RPS6KA2: variants seen among roughly 807,000 people sequenced by gnomAD.
RPS6KA2 encodes ribosomal protein S6 kinase A2.
Under a neutral mutation model 91.8 loss-of-function variants are expected in RPS6KA2, and 42 were observed. That is an observed-to-expected ratio of 0.46 (90% CI 0.36 to 0.59). The LOEUF (loss-of-function observed/expected upper bound fraction) is 0.59. RPS6KA2 is among the 20% of genes least tolerant of loss of function. The pLI, the probability that RPS6KA2 is intolerant of heterozygous loss-of-function variation, is 0.00. For synonymous variants in RPS6KA2, 414 were observed against 393.6 expected, an observed-to-expected ratio of 1.05 and a Z score of -0.61; for missense variants, 798 against 978.5, an observed-to-expected ratio of 0.82 and a Z score of 2.46.
chr6:166,510,320 G>T lies in RPS6KA2; in HGVS notation c.336C>A (p.Ile112=), dbSNP rs766475799. 1.2e-6 allele frequency: 2 copies of T among 1,601,966 alleles called. No individual in the cohort carries two copies. Among genetic ancestry groups the T allele is most frequent in the Non-Finnish European group, 1.7e-6 (2 of 1,172,778 alleles). ...DRVRSKMERD[I]LAEVNHPFIV... ...TGAAGGGGTGATTCACTTCTGCCAA[G>T]ATGTCTCTCTCCATCTTCGATCTCA... is the stretch of plus-strand genomic sequence containing the variant. Residue 112 remains isoleucine, a synonymous_variant, in exon 4 of 21, where the codon ATC becomes ATA. Transcript: ENST00000265678.
intron 2 of RPS6KA2, among the ~76,000 whole-genome samples, chr6:166,707,211 G>A (rs1449616695): frequency 6.6e-6 from 1 of 152,242 alleles, no homozygotes; most frequent in African/African-American, 2.4e-5. Context: ...GGGGTTGCCG[G>A]GAAGGGGGCA....
intron 1 of RPS6KA2, among the ~76,000 whole-genome samples, chr6:166,553,391 T>TGG (rs755759312): frequency 7.9e-5 from 12 of 151,414 alleles, no homozygotes; most frequent in South Asian, 2.1e-4. Flanking sequence ...CCCAAAATGC[T>TGG]GGGGTTATAG....
At chr6:166,709,911 A>G (rs1198869281) in intron 2 of RPS6KA2, among the ~76,000 whole-genome samples, 6 of 152,346 alleles carry the variant, frequency 3.9e-5, no homozygotes, top group African/African-American at 1.4e-4. Flanking sequence ...TGGGCAGAAC[A>G]ACTGTGATTT....
At chr6:166,772,823 T>C (rs1778512809) in intron 2 of RPS6KA2, among the ~76,000 whole-genome samples, 1 of 152,208 alleles carries the variant, frequency 6.6e-6, no homozygotes, top group East Asian at 1.9e-4. Flanking sequence ...TATTGTCTTG[T>C]TTAGAATCAC....
At chr6:166,829,040 C>T (rs544036395) in intron 2 of RPS6KA2, among the ~76,000 whole-genome samples, 1 of 152,300 alleles carries the variant, frequency 6.6e-6, no homozygotes, top group South Asian at 2.1e-4. Flanking sequence ...CTTGAACAAA[C>T]ATTTCTCCAC....
chr6:166,745,877 T>C lies in RPS6KA2; in HGVS notation c.123+112323A>G, dbSNP rs2128595078. ...ATCCATCGTCTCTACAACTGGTGAC[T>C]CAAAAAATAGAGACTAATTTGGAAA... On this transcript the variant is annotated intron_variant, in intron 2 of 21. Transcript: ENST00000503859. 1.3e-5 allele frequency among the ~76,000 whole-genome samples: 2 copies of C among 152,282 alleles called. 1 individual carries two copies. Among genetic ancestry groups the C allele is most frequent in the South Asian group, 4.1e-4 (2 of 4,828 alleles).
Position 166,627,054 on chromosome 6 carries a change from G to C in RPS6KA2, c.-35C>G. On this transcript the variant is annotated 5_prime_UTR_variant, in exon 1 of 21. Transcript: ENST00000265678. ...CCCAGCCCGGAGCAGCCGCAGGGCCGGGGGACGCGCATCCCCGGCATCCCA... is the reference window on the plus strand; with the variant it reads ...CCCAGCCCGGAGCAGCCGCAGGGCCCGGGGACGCGCATCCCCGGCATCCCA... The C allele has an allele frequency of 7.3e-7, 1 of 1,360,818 alleles. No homozygotes were observed. 84.3% of individuals were successfully genotyped at this position (1,360,818 alleles called of 1,614,324 possible).
chr6:166,782,930 C>T (rs1415812648), intron 2 of RPS6KA2, among the ~76,000 whole-genome samples: 1 of 152,104 alleles, frequency 6.6e-6, no homozygotes, highest in Non-Finnish European at 1.5e-5. Context: ...TCTAATCTCT[C>T]TCAGCCAATC....
At chr6:166,830,764 C>T (rs747788047) in intron 2 of RPS6KA2, among the ~76,000 whole-genome samples, 5 of 152,170 alleles carry the variant, frequency 3.3e-5, no homozygotes, top group Non-Finnish European at 7.3e-5. Flanking sequence ...GGGGCTGAAA[C>T]CTGTGTTACT....
At chr6:166,550,974 A>AG in intron 1 of RPS6KA2, among the ~76,000 whole-genome samples, 2 of 131,380 alleles carry the variant, frequency 1.5e-5, no homozygotes, top group South Asian at 5.3e-4. Flanking sequence ...CCAGCCTGGC[A>AG]ACAGAGCCGG....
At chr6:166,498,430 C>T in intron 8 of RPS6KA2, 78 bp downstream of exon 8, 7 of 1,485,542 alleles carry the variant, frequency 4.7e-6, no homozygotes, top group Non-Finnish European at 6.2e-6. Flanking sequence ...CATTTCGGGA[C>T]CTCTGAACCA....
At chr6:166,425,242 T>C (rs1027698063) in intron 16 of RPS6KA2, among the ~76,000 whole-genome samples, 14 of 152,172 alleles carry the variant, frequency 9.2e-5, no homozygotes, top group African/African-American at 2.9e-4. Context: ...AAAATTATTA[T>C]TCTTTTTAAA....
At chr6:166,581,256 A>G (rs906550378) in intron 1 of RPS6KA2, among the ~76,000 whole-genome samples, 1 of 152,122 alleles carries the variant, frequency 6.6e-6, no homozygotes, top group African/African-American at 2.4e-5. Context: ...AATCCACTCA[A>G]ACATCCACTC....
chr6:166,719,100 C>A (rs1790101557), intron 2 of RPS6KA2, among the ~76,000 whole-genome samples: 1 of 152,342 alleles, frequency 6.6e-6, no homozygotes, highest in Non-Finnish European at 1.5e-5. Flanking sequence ...TCAACCCTGT[C>A]TTTACAGGGG....
intron 1 of RPS6KA2, among the ~76,000 whole-genome samples, chr6:166,858,865 G>A (rs957906500): frequency 6.6e-6 from 1 of 152,248 alleles, no homozygotes; most frequent in Non-Finnish European, 1.5e-5. Context: ...GGGCCTCGGA[G>A]ACATGGCAGT....
chr6:166,471,311 C>T (rs34038573), intron 10 of RPS6KA2, among the ~76,000 whole-genome samples: 25 of 152,178 alleles, frequency 1.6e-4, no homozygotes, highest in South Asian at 4.1e-4. Flanking sequence ...TGGAACTGCC[C>T]GTGTCCTGAC....
At chr6:166,854,953 C>T (rs1297448941) in intron 2 of RPS6KA2, among the ~76,000 whole-genome samples, 1 of 152,188 alleles carries the variant, frequency 6.6e-6, no homozygotes, top group Non-Finnish European at 1.5e-5. Flanking sequence ...AAGTGTCCAA[C>T]ATCGAAGAAT....
intron 2 of RPS6KA2, among the ~76,000 whole-genome samples, chr6:166,844,819 C>G (rs1399897973): frequency 1.3e-5 from 2 of 151,934 alleles, no homozygotes; most frequent in Non-Finnish European, 1.5e-5. Flanking sequence ...ATAGAAACTT[C>G]TTAAAACATA....
intron 8 of RPS6KA2, among the ~76,000 whole-genome samples, chr6:166,496,955 A>G (rs1325049942): frequency 6.6e-6 from 1 of 152,230 alleles, no homozygotes; most frequent in Non-Finnish European, 1.5e-5. Context: ...CCACAGGGCT[A>G]TCCCCGCTGC....
Sources: gnomAD v4.1 joint callset for allele counts (sites outside exome capture counted in the v4.1 genomes callset) on GRCh38, gnomAD v4.1.1 for gene constraint, MANE v1.5 for transcripts, NCBI Gene and HGNC (gene_info 2026-07-23, HGNC 2026-07-21) for gene names.